The following ZNF678 variants were observed in gnomAD, a reference collection of about 807,000 sequenced individuals.
The protein encoded by ZNF678 is zinc finger protein 678, also known as hypothetical protein MGC42493.
A neutral mutation model predicts 3.0 loss-of-function variants in ZNF678; 5 were observed. The observed-to-expected ratio is 1.69, with a 90% CI of 0.88 to 3.56. The LOEUF is 3.56. Among genes scored for constraint, ZNF678 ranks in the 30% most tolerant of loss-of-function variants. The probability of loss-of-function intolerance (pLI) is 0.00; values close to 1 mark genes in which losing one functional copy is unlikely to be tolerated. For synonymous variants in ZNF678, 218 were observed against 199.6 expected, an observed-to-expected ratio of 1.09 and a Z score of -0.78; for missense variants, 593 against 605.0, an observed-to-expected ratio of 0.98 and a Z score of 0.21.
Position 227,564,518 on chromosome 1 carries a change from A to G in ZNF678, c.-164+794A>G, listed in dbSNP as rs541692013. ...ACATGGAAAGCAGGGTCTTAAATCC[A>G]CTCCTCTGTTCTCCCAGCCTGACTC... On this transcript the variant is annotated intron_variant, in intron 1 of 3. Transcript: ENST00000343776. Among the ~76,000 whole-genome samples, 218 of 151,956 alleles carry G rather than the reference A, an allele frequency of 1.4e-3. 3 individuals carry two copies. Among genetic ancestry groups the G allele is most frequent in the South Asian group, 4.2e-4 (2 of 4,812 alleles).
chr1:227,577,713 T>C (rs1478340332), intron 1 of ZNF678, among the ~76,000 whole-genome samples: 5 of 152,186 alleles, frequency 3.3e-5, no homozygotes, highest in African/African-American at 7.2e-5. Flanking sequence ...TGTCTTTTTA[T>C]TGGGGCATTT....
rs1388133103 is a variant in ZNF678 at position 227,656,548 on chromosome 1, A to G, written c.*720A>G. 2 of 151,886 alleles carry G rather than the reference A, an allele frequency of 1.3e-5. No homozygotes were observed. The highest frequency in any genetic ancestry group is 2.4e-5 in the African/African-American group (1 of 41,418). 9.4% of individuals were successfully genotyped at this position (151,886 alleles called of 1,614,324 possible). A position where few individuals can be genotyped will look rare whatever the true frequency, so the allele number is the denominator to read the frequency against. The stretch of plus-strand genomic sequence containing the variant: ...TAAGAGCTATGAGAAGTTCTTCTAT[A>G]TTAGATGACCATCATTTATATGCTT... On this transcript the variant is annotated 3_prime_UTR_variant, in exon 4 of 4. Transcript: ENST00000343776.
intron 1 of ZNF678, among the ~76,000 whole-genome samples, chr1:227,577,349 A>C (rs141633913): frequency 7.2e-5 from 11 of 152,314 alleles, no homozygotes; most frequent in African/African-American, 2.6e-4. Flanking sequence ...AAAGCCCCCT[A>C]CTATTACTGT....
At position 227,669,614 on chromosome 1, in the gene ZNF678, G is replaced by A. The variant is rs927467725; in HGVS notation, c.227-7565G>A. On this transcript the variant is annotated intron_variant, in intron 5 of 5. Transcript: ENST00000608949. Reference sequence around the variant, plus strand: ...TAGTGAGCTGAAATCGTGCCACTGCGCGCCAGCCTGGGAGACAGAGCGAGA... The same window carrying A: ...TAGTGAGCTGAAATCGTGCCACTGCACGCCAGCCTGGGAGACAGAGCGAGA... 2.1e-4 allele frequency among the ~76,000 whole-genome samples: 31 copies of A among 149,412 alleles called. No individual in the cohort carries two copies. The Middle Eastern group carries it at 0.014, about 68-fold the overall frequency.
chr1:227,599,713 A>G (rs150674444), intron 1 of ZNF678, among the ~76,000 whole-genome samples: 1 of 152,286 alleles, frequency 6.6e-6, no homozygotes, highest in Non-Finnish European at 1.5e-5. Flanking sequence ...TTGTTTATCA[A>G]ATCTTTGAAG....
chr1:227,666,150 T>C (rs1659501398), downstream of ZNF678, among the ~76,000 whole-genome samples: 1 of 152,210 alleles, frequency 6.6e-6, no homozygotes, highest in Non-Finnish European at 1.5e-5. Flanking sequence ...ACTTCTGAAA[T>C]GGTAAATGCT....
chr1:227,677,249 G>C (rs1659701372), exon 6 of ZNF678: 1 of 152,152 alleles, frequency 6.6e-6, no homozygotes, highest in Non-Finnish European at 1.5e-5. Flanking sequence ...TGGTGACTTG[G>C]TGCTGATTAA....
intron 1 of ZNF678, among the ~76,000 whole-genome samples, chr1:227,614,772 A>G (rs770436714): frequency 4.6e-5 from 7 of 152,204 alleles, no homozygotes; most frequent in Non-Finnish European, 1.0e-4. Flanking sequence ...CTTCCAGACC[A>G]TGTATCAGTT....
chr1:227,647,851 C>A (rs1253665138), intron 2 of ZNF678, among the ~76,000 whole-genome samples: 1 of 152,160 alleles, frequency 6.6e-6, no homozygotes, highest in African/African-American at 2.4e-5. Context: ...CTATTTTACA[C>A]AATTTAATTC....
At chr1:227,593,159 A>G (rs1368533354) in intron 1 of ZNF678, among the ~76,000 whole-genome samples, 4 of 152,224 alleles carry the variant, frequency 2.6e-5, no homozygotes, top group Non-Finnish European at 4.4e-5. Flanking sequence ...AAGAGCTACC[A>G]TGCAGCCTAC....
At chr1:227,620,880 G>A (rs1053008946) in intron 1 of ZNF678, among the ~76,000 whole-genome samples, 3 of 152,202 alleles carry the variant, frequency 2.0e-5, no homozygotes, top group Non-Finnish European at 4.4e-5. Flanking sequence ...AATAGTCAAG[G>A]TGTAGGGAAT....
rs916219085 is a variant in ZNF678 at position 227,659,777 on chromosome 1, C to T, written c.*3949C>T. The T allele has an allele frequency of 2.0e-4, 30 of 151,584 alleles. No individual in the cohort carries two copies. The highest frequency in any genetic ancestry group is 7.3e-4 in the African/African-American group (30 of 41,242). 9.4% of individuals were successfully genotyped at this position (151,584 alleles called of 1,614,324 possible). On this transcript the variant is annotated 3_prime_UTR_variant, in exon 4 of 4. Transcript: ENST00000343776. ...ATTTTATATCTACATATATATATAT[C>T]TTGTAACACATGATGTTTGAAATGC...
Position 227,660,553 on chromosome 1 carries a change from G to A in ZNF678, c.*4725G>A, listed in dbSNP as rs1659376644. ...TAGTTTGTTGTTAGTGTATAGAAAT[G>A]CTACTGACCCTTATATCTTGATTTT... On this transcript the variant is annotated 3_prime_UTR_variant, in exon 4 of 4. Transcript: ENST00000343776. The A allele has an allele frequency of 6.6e-6, 1 of 152,150 alleles. No individual in the cohort carries two copies. Among genetic ancestry groups the A allele is most frequent in the East Asian group, 1.9e-4 (1 of 5,174 alleles). 9.4% of individuals were successfully genotyped at this position (152,150 alleles called of 1,614,324 possible). A position where few individuals can be genotyped will look rare whatever the true frequency, so the allele number is the denominator to read the frequency against.
In ZNF678 at chr1:227,596,767, CTT is replaced by C. The variant is rs1657601480; in HGVS notation, c.-164+33044_-164+33045del. ...TACAATCAGGTAACATGAAATATAA[CTT>C]GATGTACAATTTTGCCTGTTACAAA... On this transcript the variant is annotated intron_variant, in intron 1 of 3. Transcript: ENST00000343776. Among the ~76,000 whole-genome samples the C allele has an allele frequency of 3.3e-5, 5 of 152,220 alleles. No individual in the cohort carries two copies. In the South Asian group the frequency reaches 1.0e-3, roughly 32 times the overall value.
chr1:227,616,788 C>T (rs1246211656), intron 1 of ZNF678, among the ~76,000 whole-genome samples: 1 of 152,158 alleles, frequency 6.6e-6, no homozygotes, highest in Non-Finnish European at 1.5e-5. Context: ...AATCTATAAG[C>T]TAGGCCCTAA....
chr1:227,652,319 C>T (rs949266231), intron 3 of ZNF678, among the ~76,000 whole-genome samples: 13 of 152,188 alleles, frequency 8.5e-5, no homozygotes, highest in Non-Finnish European at 1.0e-4. Context: ...TTCTTCCTGC[C>T]GCTTTGTCTA....
rs1659283193 is a variant in ZNF678, at chr1:227,657,596, G to A, written c.*1768G>A. The A allele has an allele frequency of 6.6e-6, 1 of 151,622 alleles. No homozygotes were observed. Among genetic ancestry groups the A allele is most frequent in the African/African-American group, 2.4e-5 (1 of 41,292 alleles). The allele number at this position is 151,622 out of a possible 1,614,324, so 9.4% of individuals were successfully genotyped here. A position where few individuals can be genotyped will look rare whatever the true frequency, so the allele number is the denominator to read the frequency against. The stretch of plus-strand genomic sequence containing the variant: ...AAAATGTCATACTACGTTTTTCTTT[G>A]AGCCTGTGACCCCTCTGGCCTGTAA... On this transcript the variant is annotated 3_prime_UTR_variant, in exon 4 of 4. Transcript: ENST00000343776.
chr1:227,598,814 A>C (rs1657660146), intron 1 of ZNF678: 1 of 566,794 alleles, frequency 1.8e-6, no homozygotes, highest in African/African-American at 1.9e-5. Flanking sequence ...AATCAGAAGA[A>C]CTGCTGGAAG....
At chr1:227,590,486 G>C (rs1489042246) in intron 1 of ZNF678, among the ~76,000 whole-genome samples, 4 of 151,738 alleles carry the variant, frequency 2.6e-5, no homozygotes, top group Non-Finnish European at 5.9e-5. Flanking sequence ...TGTTAATGGG[G>C]GTTGGGTATC....
Sources: allele counts gnomAD v4.1 joint callset (sites outside exome capture counted in the v4.1 genomes callset), GRCh38; gene constraint gnomAD v4.1.1; transcripts MANE v1.5; gene names NCBI Gene and HGNC (gene_info 2026-07-23, HGNC 2026-07-21).